SLC9A9: variants seen among roughly 807,000 people sequenced by gnomAD.
The protein encoded by SLC9A9 is sodium/hydrogen exchanger 9.
A neutral mutation model predicts 77.8 loss-of-function variants in SLC9A9; 62 were observed. The observed-to-expected ratio is 0.80, with a 90% CI of 0.65 to 0.98. The LOEUF (loss-of-function observed/expected upper bound fraction) is 0.98. SLC9A9 is among the 50% of genes least tolerant of loss of function. SLC9A9 has a pLI of 0.00. For synonymous variants in SLC9A9, 320 were observed against 283.5 expected (o/e 1.13, Z -1.29); for missense variants, 775 against 774.9 (o/e 1.00, Z 0.00).
At chr3:143,709,728 T>C (rs1381710668) in intron 4 of SLC9A9, among the ~76,000 whole-genome samples, 2 of 152,148 alleles carry the variant, frequency 1.3e-5, no homozygotes, top group African/African-American at 4.8e-5. Flanking sequence ...CTGAACAGTA[T>C]GTGAGGATTC....
At chr3:143,414,333 T>C (rs545690591) in intron 12 of SLC9A9, among the ~76,000 whole-genome samples, 1 of 152,232 alleles carries the variant, frequency 6.6e-6, no homozygotes, top group Non-Finnish European at 1.5e-5. Flanking sequence ...TGGTTCTGTA[T>C]GTATGTGTGT....
At chr3:143,351,476 G>A (rs2108473853) in intron 14 of SLC9A9, among the ~76,000 whole-genome samples, 1 of 152,330 alleles carries the variant, frequency 6.6e-6, no homozygotes, top group South Asian at 2.1e-4. Flanking sequence ...AGGCCGAGAA[G>A]GAAGGGTCTC....
intron 12 of SLC9A9, among the ~76,000 whole-genome samples, chr3:143,445,906 G>A (rs1294501567): frequency 6.6e-6 from 1 of 152,102 alleles, no homozygotes; most frequent in East Asian, 1.9e-4. Flanking sequence ...GCTGAGGGGA[G>A]TATCAAGACT....
intron 13 of SLC9A9, among the ~76,000 whole-genome samples, chr3:143,379,687 G>T (rs939750334): frequency 6.6e-6 from 1 of 152,114 alleles, no homozygotes; most frequent in South Asian, 2.1e-4. Context: ...GTGATGTTTC[G>T]TGTCACTTGA....
At chr3:143,381,387 GTGACT>G (rs1436430934) in intron 13 of SLC9A9, 1 of 153,306 alleles carries the variant, frequency 6.5e-6, no homozygotes, top group Non-Finnish European at 1.5e-5. Context: ...CATGTAAGAT[GTGACT>G]TGCTCTTCCT....
chr3:143,557,194 G>A (rs1192352215), intron 8 of SLC9A9, among the ~76,000 whole-genome samples: 1 of 152,088 alleles, frequency 6.6e-6, no homozygotes, highest in African/African-American at 2.4e-5. Flanking sequence ...TCCCCTGCTT[G>A]CACTCATTCT....
At chr3:143,770,548 T>C (rs1490366475) in intron 4 of SLC9A9, among the ~76,000 whole-genome samples, 1 of 152,066 alleles carries the variant, frequency 6.6e-6, no homozygotes, top group Non-Finnish European at 1.5e-5. Flanking sequence ...ATCACAACTA[T>C]CCTACCAGAA....
At chr3:143,299,482 C>T (rs983195299) in intron 14 of SLC9A9, among the ~76,000 whole-genome samples, 9 of 151,072 alleles carry the variant, frequency 6.0e-5, no homozygotes, top group Non-Finnish European at 1.0e-4. Flanking sequence ...CTTGCTCTGT[C>T]GCCCAGGTTG....
intron 12 of SLC9A9, among the ~76,000 whole-genome samples, chr3:143,400,861 C>T (rs1448146361): frequency 5.3e-5 from 8 of 152,098 alleles, no homozygotes; most frequent in African/African-American, 9.7e-5. Flanking sequence ...AAGTGCTGAG[C>T]ATTTGTATGA....
chr3:143,609,982 T>G (rs2037996157), intron 6 of SLC9A9, among the ~76,000 whole-genome samples: 1 of 152,186 alleles, frequency 6.6e-6, no homozygotes, highest in South Asian at 2.1e-4. Flanking sequence ...AAAATTCCCA[T>G]AGGTATTTGT....
At chr3:143,357,008 G>A (rs560329555) in intron 14 of SLC9A9, among the ~76,000 whole-genome samples, 2 of 152,270 alleles carry the variant, frequency 1.3e-5, no homozygotes, top group African/African-American at 2.4e-5. Flanking sequence ...AATGCAAGCT[G>A]GGCTCCTCCC....
chr3:143,668,400 C>T (rs1048495389), intron 5 of SLC9A9, among the ~76,000 whole-genome samples: 13 of 151,810 alleles, frequency 8.6e-5, no homozygotes, highest in Admixed American at 6.6e-4. Flanking sequence ...TTAATGGGTG[C>T]AGCACACCAA....
intron 4 of SLC9A9, among the ~76,000 whole-genome samples, chr3:143,694,332 C>G (rs1049622631): frequency 2.6e-5 from 4 of 152,126 alleles, no homozygotes; most frequent in African/African-American, 9.7e-5. Context: ...CTACTATCTA[C>G]TATCTATATG....
intron 12 of SLC9A9, among the ~76,000 whole-genome samples, chr3:143,452,003 G>A (rs1411761167): frequency 6.6e-6 from 1 of 151,952 alleles, no homozygotes; most frequent in East Asian, 1.9e-4. Context: ...TAAAGATACA[G>A]ACAATTTGAG....
At chr3:143,811,011 AAG>A (rs1408682730) in intron 2 of SLC9A9, among the ~76,000 whole-genome samples, 1 of 152,162 alleles carries the variant, frequency 6.6e-6, no homozygotes, top group African/African-American at 2.4e-5. Flanking sequence ...AAGAATGGGT[AAG>A]AGTCTATTTG....
intron 8 of SLC9A9, among the ~76,000 whole-genome samples, chr3:143,567,133 G>GTC (rs2037181535): frequency 6.6e-6 from 1 of 152,110 alleles, no homozygotes; most frequent in African/African-American, 2.4e-5. Flanking sequence ...ACCTCACAGA[G>GTC]AGAATTCCTT....
At chr3:143,272,059 T>C (rs113111274) in intron 14 of SLC9A9, among the ~76,000 whole-genome samples, 3,378 of 152,226 alleles carry the variant, frequency 0.022, 131 homozygotes, top group African/African-American at 0.075. Flanking sequence ...GTTTTCTGAG[T>C]GCTAGAAACC....
chr3:143,677,409 A>G (rs1932920002), intron 5 of SLC9A9, among the ~76,000 whole-genome samples: 1 of 152,200 alleles, frequency 6.6e-6, no homozygotes, highest in African/African-American at 2.4e-5. Context: ...TAATAGACAT[A>G]CAATATTGTG....
At chr3:143,780,531 A>G (rs1460166610) in intron 4 of SLC9A9, among the ~76,000 whole-genome samples, 1 of 152,254 alleles carries the variant, frequency 6.6e-6, no homozygotes, top group Non-Finnish European at 1.5e-5. Context: ...CAAAAGAGGA[A>G]AAACAAACCT....
Sources: gnomAD v4.1 joint callset for allele counts (sites outside exome capture counted in the v4.1 genomes callset) on GRCh38, gnomAD v4.1.1 for gene constraint, MANE v1.5 for transcripts, NCBI Gene and HGNC (gene_info 2026-07-23, HGNC 2026-07-21) for gene names.